The following EIF4H variants were observed in gnomAD, a reference collection of about 807,000 sequenced individuals.
EIF4H encodes the protein Williams-Beuren syndrome chromosome region 1.
A neutral mutation model predicts 30.6 loss-of-function variants in EIF4H; 8 were observed. The observed-to-expected ratio is 0.26, with a 90% CI of 0.15 to 0.47. EIF4H has a LOEUF of 0.47. Among genes scored for constraint, EIF4H ranks in the 20% least tolerant of loss-of-function variants. The probability of loss-of-function intolerance (pLI) is 0.99; values close to 1 mark genes in which losing one functional copy is unlikely to be tolerated. For missense variants in EIF4H, 188 were observed against 339.5 expected (o/e 0.55, Z 3.51); for synonymous variants, 106 against 122.7 (o/e 0.86, Z 0.90).
chr7:74,176,333 G>C (rs1360790901), intron 1 of EIF4H, among the ~76,000 whole-genome samples: 1 of 151,646 alleles, frequency 6.6e-6, no homozygotes, highest in East Asian at 1.9e-4. Context: ...CACCTCCCGG[G>C]TTTAAGCGAT....
At chr7:74,194,967 G>A (rs1437430120) in intron 6 of EIF4H, 89 bp downstream of exon 6, 48 of 1,518,272 alleles carry the variant, frequency 3.2e-5, no homozygotes, top group Non-Finnish European at 4.1e-5. Flanking sequence ...GCGTTCTACG[G>A]CACACAGAGT....
chr7:74,184,603 A>G (rs1801041512), intron 1 of EIF4H, among the ~76,000 whole-genome samples: 1 of 148,658 alleles, frequency 6.7e-6, no homozygotes, highest in Non-Finnish European at 1.5e-5. Context: ...TTTAACATTG[A>G]CCCTCCATTT....
intron 1 of EIF4H, among the ~76,000 whole-genome samples, chr7:74,184,475 A>G (rs564957448): frequency 6.0e-4 from 91 of 152,172 alleles, no homozygotes; most frequent in Non-Finnish European, 1.1e-3. Flanking sequence ...ACATACCTGC[A>G]TATATACATG....
rs187036467 is a variant in EIF4H, at chr7:74,195,604, C to T, written c.*296C>T. Reference sequence around the variant, plus strand: ...GTTTTCCCAGCAGCACATGGGGTTCCTCGGAGGAGCAGAGGTGGCCGCCGT... The same window carrying T: ...GTTTTCCCAGCAGCACATGGGGTTCTTCGGAGGAGCAGAGGTGGCCGCCGT... On this transcript the variant is annotated 3_prime_UTR_variant, in exon 7 of 7. Transcript: ENST00000265753. 8.2e-4 allele frequency: 224 copies of T among 274,430 alleles called. 1 individual carries two copies. Among genetic ancestry groups the T allele is most frequent in the African/African-American group, 4.5e-3 (202 of 45,262 alleles). 17.0% of individuals were successfully genotyped at this position (274,430 alleles called of 1,614,324 possible).
intron 1 of EIF4H, among the ~76,000 whole-genome samples, chr7:74,183,399 C>T (rs1801009697): frequency 6.6e-6 from 1 of 152,178 alleles, no homozygotes; most frequent in Non-Finnish European, 1.5e-5. Context: ...TACCCAGGAG[C>T]ATGGCAGAAT....
chr7:74,193,626 T>C (rs1264054132), intron 5 of EIF4H, among the ~76,000 whole-genome samples: 1 of 149,356 alleles, frequency 6.7e-6, no homozygotes, highest in African/African-American at 2.5e-5. Flanking sequence ...TTTTTTTTTT[T>C]CCTTGAGACA....
chr7:74,189,255 G>A (rs1458157803), intron 2 of EIF4H, among the ~76,000 whole-genome samples: 1 of 152,170 alleles, frequency 6.6e-6, no homozygotes, highest in Admixed American at 6.6e-5. Flanking sequence ...TCAGTTACCT[G>A]AGTAGTAAGT....
intron 1 of EIF4H, among the ~76,000 whole-genome samples, chr7:74,179,631 C>A (rs369278858): frequency 2.1e-3 from 266 of 127,948 alleles, no homozygotes; most frequent in East Asian, 2.7e-3. Context: ...GACTCTGTAT[C>A]AAAAAAAAAA....
intron 1 of EIF4H, among the ~76,000 whole-genome samples, chr7:74,185,498 T>G (rs1801061751): frequency 6.6e-6 from 1 of 152,056 alleles, no homozygotes; most frequent in South Asian, 2.1e-4. Flanking sequence ...TATTTTCTGG[T>G]GGTCTTAGAA....
intron 2 of EIF4H, among the ~76,000 whole-genome samples, chr7:74,188,845 GA>G (rs1239127317): frequency 6.6e-6 from 1 of 152,100 alleles, no homozygotes; most frequent in Non-Finnish European, 1.5e-5. Context: ...TCTCAACATT[GA>G]ATCCACTTAG....
Position 74,195,160 on chromosome 7 carries a change from C to T in EIF4H, c.608-9C>T, listed in dbSNP as rs1446725190. 6.2e-7 allele frequency: 1 copy of T among 1,613,070 alleles called. No homozygotes were observed. Among genetic ancestry groups the T allele is most frequent in the Non-Finnish European group, 8.5e-7 (1 of 1,179,458 alleles). On this transcript the variant is annotated splice_polypyrimidine_tract_variant and intron_variant, in intron 6 of 6. Transcript: ENST00000265753. Reference sequence around the variant, plus strand: ...CACACTCTGACAAACTCTGCTTTTTCTCCCCCAGAGGAAAGAGCACAGAGA... The same window carrying T: ...CACACTCTGACAAACTCTGCTTTTTTTCCCCCAGAGGAAAGAGCACAGAGA...
intron 1 of EIF4H, among the ~76,000 whole-genome samples, chr7:74,177,718 T>TC (rs1554707873): frequency 1.3e-5 from 2 of 151,804 alleles, no homozygotes; most frequent in Admixed American, 6.6e-5. Flanking sequence ...CCTTCTTCAC[T>TC]CCAAGTGTTC....
chr7:74,193,198 T>C (rs1399261588), intron 5 of EIF4H, among the ~76,000 whole-genome samples: 1 of 152,160 alleles, frequency 6.6e-6, no homozygotes, highest in Non-Finnish European at 1.5e-5. Flanking sequence ...CTGGGGCCAC[T>C]TCAGACAGCG....
chr7:74,193,105 G>A (rs1801262029), intron 5 of EIF4H, among the ~76,000 whole-genome samples: 1 of 152,164 alleles, frequency 6.6e-6, no homozygotes, highest in African/African-American at 2.4e-5. Context: ...CTGTTAGAAA[G>A]CTCATCCCAC....
intron 1 of EIF4H, among the ~76,000 whole-genome samples, chr7:74,183,100 A>G (rs1468510154): frequency 6.6e-6 from 1 of 152,238 alleles, no homozygotes; most frequent in African/African-American, 2.4e-5. Flanking sequence ...ACATGCAGAT[A>G]CGTGGTTGAT....
chr7:74,182,486 C>T (rs561975895), intron 1 of EIF4H, among the ~76,000 whole-genome samples: 7 of 152,316 alleles, frequency 4.6e-5, no homozygotes, highest in Middle Eastern at 3.4e-3. Flanking sequence ...CCATGGCGTC[C>T]GGCCAGTCAT....
intron 1 of EIF4H, among the ~76,000 whole-genome samples, chr7:74,176,431 C>T (rs569959199): frequency 2.6e-5 from 4 of 152,100 alleles, no homozygotes; most frequent in Non-Finnish European, 4.4e-5. Context: ...TCCACATGAA[C>T]AAATGTCACT....
intron 6 of EIF4H, 142 bp from the exon 7 acceptor site, chr7:74,195,027 A>G (rs1344502462): frequency 2.4e-5 from 37 of 1,511,480 alleles, no homozygotes; most frequent in Non-Finnish European, 3.0e-5. Context: ...CACCTTGGTC[A>G]TTAGAGCATC....
chr7:74,183,999 T>C (rs1801025615), intron 1 of EIF4H: 1 of 152,222 alleles, frequency 6.6e-6, no homozygotes, highest in Non-Finnish European at 1.5e-5. Flanking sequence ...TTGGTAATTA[T>C]TGAAAAGTCT....
Sources: allele counts gnomAD v4.1 joint callset (sites outside exome capture counted in the v4.1 genomes callset), GRCh38; gene constraint gnomAD v4.1.1; transcripts MANE v1.5; gene names NCBI Gene and HGNC (gene_info 2026-07-23, HGNC 2026-07-21).